Variants in ATRNL1 observed in about 807,000 individuals in gnomAD.
The protein encoded by ATRNL1 is attractin like 1, also known as attractin-like protein 1.
ATRNL1 carries 95 observed loss-of-function variants against 182.7 expected under a neutral mutation model. That is an observed-to-expected ratio of 0.52 (90% CI 0.44 to 0.62). The LOEUF is 0.62. Among genes scored for constraint, ATRNL1 ranks in the 20% least tolerant of loss-of-function variants. The pLI is 0.00. For missense variants in ATRNL1, 1,471 were observed against 1,679.5 expected (o/e 0.88, Z 2.17); for synonymous variants, 576 against 568.3 (o/e 1.01, Z -0.19).
intron 8 of ATRNL1, among the ~76,000 whole-genome samples, chr10:115,204,566 C>A (rs1554893328): frequency 1.3e-5 from 2 of 152,034 alleles, no homozygotes; most frequent in Non-Finnish European, 2.9e-5. Flanking sequence ...GTCCTTCATT[C>A]TGTTAATGTG....
At position 115,362,804 on chromosome 10, in the gene ATRNL1, AATG is replaced by A. The variant is rs1462172886; in HGVS notation, c.3175+28391_3175+28393del. ...TTTGTTCTTGCGATAGTTTACTGAG[AATG>A]ATGATTTCCAATTTCATCCATGTCC... On this transcript the variant is annotated intron_variant, in intron 19 of 28. Coordinates refer to ENST00000355044, the MANE Select transcript of ATRNL1 (RefSeq NM_207303.4). 2.0e-4 allele frequency among the ~76,000 whole-genome samples: 31 copies of A among 151,822 alleles called. 1 individual carries two copies. Among genetic ancestry groups the A allele is most frequent in the Middle Eastern group, 3.4e-3 (1 of 294 alleles).
chr10:115,190,119 A>G (rs1007653519), intron 8 of ATRNL1, among the ~76,000 whole-genome samples: 2 of 152,074 alleles, frequency 1.3e-5, no homozygotes, highest in Non-Finnish European at 2.9e-5. Flanking sequence ...AGTATACTCT[A>G]TGATGTTCAC....
chr10:115,210,286 A>G (rs899716549), intron 8 of ATRNL1, among the ~76,000 whole-genome samples: 1 of 152,012 alleles, frequency 6.6e-6, no homozygotes, highest in South Asian at 2.1e-4. Context: ...AAGTCTAGAT[A>G]CTGACATGGA....
intron 1 of ATRNL1, among the ~76,000 whole-genome samples, chr10:115,116,639 GTTCT>G (rs1844498356): frequency 6.6e-6 from 1 of 152,018 alleles, no homozygotes; most frequent in Non-Finnish European, 1.5e-5. Context: ...AAGGAGAATT[GTTCT>G]TTCTTTATTA....
chr10:115,598,355 T>G, intron 26 of ATRNL1, among the ~76,000 whole-genome samples: 1 of 144,526 alleles, frequency 6.9e-6, no homozygotes, highest in South Asian at 2.1e-4. Flanking sequence ...AAAAAATTAT[T>G]TATTTATTTA....
At chr10:115,850,060 A>G (rs1410177373) in intron 28 of ATRNL1, among the ~76,000 whole-genome samples, 2 of 152,152 alleles carry the variant, frequency 1.3e-5, no homozygotes, top group Non-Finnish European at 2.9e-5. Flanking sequence ...AATCTAGTAG[A>G]TTTTTCAAGC....
chr10:115,811,126 T>A (rs1198431054), intron 27 of ATRNL1, among the ~76,000 whole-genome samples: 1 of 151,926 alleles, frequency 6.6e-6, no homozygotes, highest in African/African-American at 2.4e-5. Context: ...TGCTATAAAT[T>A]TCCCTTCAAG....
chr10:115,742,692 A>G (rs1555067980), intron 27 of ATRNL1, among the ~76,000 whole-genome samples: 1 of 152,070 alleles, frequency 6.6e-6, no homozygotes, highest in Non-Finnish European at 1.5e-5. Flanking sequence ...TCAAGCCTTC[A>G]TGATTTTTTT....
At chr10:115,251,989 C>T (rs1410032253) in intron 10 of ATRNL1, among the ~76,000 whole-genome samples, 2 of 152,142 alleles carry the variant, frequency 1.3e-5, no homozygotes, top group Non-Finnish European at 2.9e-5. Flanking sequence ...CTCCCACCTC[C>T]TGCCAACATG....
intron 26 of ATRNL1, among the ~76,000 whole-genome samples, chr10:115,614,581 T>C (rs1404628694): frequency 6.6e-6 from 1 of 152,124 alleles, no homozygotes; most frequent in East Asian, 1.9e-4. Context: ...ATTATTTTTG[T>C]TTTTCTGTCT....
intron 26 of ATRNL1, among the ~76,000 whole-genome samples, chr10:115,626,335 T>G (rs1229147047): frequency 7.2e-5 from 11 of 152,292 alleles, no homozygotes; most frequent in African/African-American, 2.6e-4. Context: ...AGTGGCCAAA[T>G]CAACATAGGT....
At chr10:115,560,890 C>A (rs1853664749) in intron 26 of ATRNL1, among the ~76,000 whole-genome samples, 1 of 152,058 alleles carries the variant, frequency 6.6e-6, no homozygotes, top group African/African-American at 2.4e-5. Context: ...GGTACCAAGA[C>A]AATTAAATGG....
chr10:115,613,795 T>C (rs1857286751), intron 26 of ATRNL1, among the ~76,000 whole-genome samples: 1 of 152,036 alleles, frequency 6.6e-6, no homozygotes, highest in Admixed American at 6.6e-5. Flanking sequence ...TGAGGTTTTC[T>C]AGTTGGCATG....
At chr10:115,697,844 A>G (rs1204112148) in intron 26 of ATRNL1, among the ~76,000 whole-genome samples, 2 of 152,202 alleles carry the variant, frequency 1.3e-5, no homozygotes, top group South Asian at 2.1e-4. Flanking sequence ...CTTTGCTACT[A>G]TCCTGTACTT....
chr10:115,921,410 G>A (rs1555118736), intron 28 of ATRNL1, among the ~76,000 whole-genome samples: 2 of 152,150 alleles, frequency 1.3e-5, no homozygotes. Flanking sequence ...TTGTATGTCA[G>A]TCATGCCTCT....
rs1218197062 is a variant in ATRNL1 at position 115,948,239 on chromosome 10, C to T, written c.*3460C>T. 3.9e-5 allele frequency: 6 copies of T among 152,176 alleles called. No individual in the cohort carries two copies. Among genetic ancestry groups the T allele is most frequent in the Non-Finnish European group, 8.8e-5 (6 of 68,032 alleles). The allele number at this position is 152,176 out of a possible 1,614,324, so 9.4% of individuals were successfully genotyped here. ...CTGACTGATGACATTGAGACAAGAGCATCAATGATCACCTTTCACGTACAA... is the reference window on the plus strand; with the variant it reads ...CTGACTGATGACATTGAGACAAGAGTATCAATGATCACCTTTCACGTACAA... On this transcript the variant is annotated 3_prime_UTR_variant, in exon 29 of 29. Transcript: ENST00000355044.
rs1554895603 is a variant in ATRNL1 at position 115,214,057 on chromosome 10, C to CACACACACAT, written c.1349-1631_1349-1630insTACACACACA. 3.6e-4 allele frequency among the ~76,000 whole-genome samples: 54 copies of CACACACACAT among 151,278 alleles called. 1 individual carries two copies. Among genetic ancestry groups the CACACACACAT allele is most frequent in the East Asian group, 5.8e-4 (3 of 5,150 alleles). On this transcript the variant is annotated intron_variant, in intron 8 of 28. Coordinates refer to ENST00000355044, the MANE Select transcript of ATRNL1 (RefSeq NM_207303.4). ...ACAAATATGTACACACACACACACA[C>CACACACACAT]ACACACACACATATATATAAACATA...
At chr10:115,430,602 C>T (rs776056374) in intron 21 of ATRNL1, among the ~76,000 whole-genome samples, 50 of 151,950 alleles carry the variant, frequency 3.3e-4, no homozygotes, top group Non-Finnish European at 6.5e-4. Flanking sequence ...ATTTCATCTC[C>T]CAGGTAATAA....
chr10:115,481,980 A>G (rs1279079800), intron 24 of ATRNL1, among the ~76,000 whole-genome samples: 3 of 150,924 alleles, frequency 2.0e-5, no homozygotes, highest in African/African-American at 7.3e-5. Flanking sequence ...TTTGGGTTTG[A>G]TTTGTGAGCT....
Sources: gnomAD v4.1 joint callset for allele counts (sites outside exome capture counted in the v4.1 genomes callset) on GRCh38, gnomAD v4.1.1 for gene constraint, MANE v1.5 for transcripts, NCBI Gene and HGNC (gene_info 2026-07-23, HGNC 2026-07-21) for gene names.